SNTB1: variants seen among roughly 807,000 people sequenced by gnomAD.
SNTB1 encodes beta-1-syntrophin.
In SNTB1, 36 loss-of-function variants were observed where a neutral mutation model predicts 48.9. The observed-to-expected ratio is 0.74, with a 90% CI of 0.56 to 0.97. The LOEUF (loss-of-function observed/expected upper bound fraction) is 0.97. SNTB1 is among the 50% of genes least tolerant of loss of function. The pLI is 0.00. For synonymous variants in SNTB1, 299 were observed against 294.6 expected, an observed-to-expected ratio of 1.01 and a Z score of -0.15; for missense variants, 786 against 703.4, an observed-to-expected ratio of 1.12 and a Z score of -1.33.
intron 4 of SNTB1, among the ~76,000 whole-genome samples, chr8:120,558,649 A>C (rs897599619): frequency 2.6e-5 from 4 of 152,220 alleles, no homozygotes; most frequent in Non-Finnish European, 5.9e-5. Context: ...AAATTCAGAT[A>C]CCTGGATTCA....
At chr8:120,666,831 G>T (rs1476979768) in intron 2 of SNTB1, among the ~76,000 whole-genome samples, 4 of 151,788 alleles carry the variant, frequency 2.6e-5, no homozygotes, top group Non-Finnish European at 5.9e-5. Flanking sequence ...GGTATTTTTT[G>T]CTATGAATGC....
At chr8:120,575,684 T>G (rs1398285082) in intron 3 of SNTB1, among the ~76,000 whole-genome samples, 1 of 152,136 alleles carries the variant, frequency 6.6e-6, no homozygotes, top group Non-Finnish European at 1.5e-5. Flanking sequence ...GAGTGAGATA[T>G]CACAGCCTCT....
At chr8:120,602,087 G>A (rs182131186) in intron 3 of SNTB1, among the ~76,000 whole-genome samples, 59 of 152,172 alleles carry the variant, frequency 3.9e-4, no homozygotes, top group African/African-American at 1.4e-3. Flanking sequence ...CAGCCTTTTT[G>A]TTTGTTTTGT....
At chr8:120,694,437 T>A (rs1818178900) in intron 1 of SNTB1, among the ~76,000 whole-genome samples, 1 of 151,828 alleles carries the variant, frequency 6.6e-6, no homozygotes, top group Non-Finnish European at 1.5e-5. Flanking sequence ...GCAAAAAAAA[T>A]TATTTGTAAG....
intron 1 of SNTB1, among the ~76,000 whole-genome samples, chr8:120,727,179 G>T (rs973473397): frequency 6.6e-6 from 1 of 152,192 alleles, no homozygotes; most frequent in East Asian, 1.9e-4. Context: ...GGGGTCAAAG[G>T]CTGCCTTGTC....
intron 1 of SNTB1, among the ~76,000 whole-genome samples, chr8:120,740,735 AAC>A (rs56929750): frequency 0.13 from 19,920 of 152,036 alleles, 1,699 homozygotes; most frequent in African/African-American, 0.23. Flanking sequence ...GGCACATCCA[AAC>A]ACAGTTATTT....
chr8:120,761,419 A>G (rs964850266), intron 1 of SNTB1: 2 of 152,248 alleles, frequency 1.3e-5, no homozygotes, highest in African/African-American at 4.8e-5. Context: ...CTATGTTAGC[A>G]GCTCCGAGCA....
intron 1 of SNTB1, among the ~76,000 whole-genome samples, chr8:120,753,787 A>G (rs1663720171): frequency 6.6e-6 from 1 of 152,198 alleles, no homozygotes; most frequent in South Asian, 2.1e-4. Context: ...CAAGCCACAC[A>G]TTTAACATTT....
At chr8:120,685,046 T>C (rs1401311801) in intron 2 of SNTB1, among the ~76,000 whole-genome samples, 3 of 152,232 alleles carry the variant, frequency 2.0e-5, no homozygotes, top group Admixed American at 2.0e-4. Context: ...CTCCCCAGGC[T>C]CCAGGTAGCC....
intron 5 of SNTB1, among the ~76,000 whole-genome samples, chr8:120,547,075 C>CT (rs1344367907): frequency 1.3e-5 from 2 of 151,844 alleles, no homozygotes; most frequent in South Asian, 4.2e-4. Flanking sequence ...GTTATTTGAC[C>CT]TTTTTTGAGA....
At chr8:120,539,642 T>C (rs1207628498) in intron 6 of SNTB1, among the ~76,000 whole-genome samples, 1 of 152,206 alleles carries the variant, frequency 6.6e-6, no homozygotes, top group African/African-American at 2.4e-5. Flanking sequence ...AGGAGAGTCC[T>C]TCAGAAGTTG....
chr8:120,802,254 G>A (rs59751654), intron 1 of SNTB1, among the ~76,000 whole-genome samples: 12,540 of 151,960 alleles, frequency 0.083, 1,021 homozygotes, highest in East Asian at 0.36. Flanking sequence ...GACTTTTTTC[G>A]GTTAATAATA....
At position 120,803,343 on chromosome 8, in the gene SNTB1, T is replaced by A. The variant is rs950980714; in HGVS notation, c.571+7930A>T. On this transcript the variant is annotated intron_variant, in intron 1 of 6. Transcript: ENST00000517992. The stretch of plus-strand genomic sequence containing the variant: ...TAGGGCATTGATTTTGTGGTGGGTA[T>A]TATATATTTTTGTCTTAAGTCTTAA... Among the ~76,000 whole-genome samples, 330 of 152,278 alleles carry A rather than the reference T, an allele frequency of 2.2e-3. 1 individual carries two copies. Among genetic ancestry groups the A allele is most frequent in the African/African-American group, 7.6e-3 (316 of 41,568 alleles).
rs182307585 is a variant in SNTB1, at chr8:120,608,899, T to C, written c.996+23545A>G. ...AAACCAACTTGTGTGTGAACCTAAGTGAGTATTAAATGGATTTTTAAAAAA... is the reference window on the plus strand; with the variant it reads ...AAACCAACTTGTGTGTGAACCTAAGCGAGTATTAAATGGATTTTTAAAAAA... On this transcript the variant is annotated intron_variant, in intron 3 of 6. Coordinates refer to ENST00000517992, the MANE Select transcript of SNTB1 (RefSeq NM_021021.4). Among the ~76,000 whole-genome samples, 122 of 152,228 alleles carry C rather than the reference T, an allele frequency of 8.0e-4. 1 individual carries two copies. The highest frequency in any genetic ancestry group is 2.6e-3 in the African/African-American group (110 of 41,542).
intron 3 of SNTB1, among the ~76,000 whole-genome samples, chr8:120,613,592 C>T (rs1816662076): frequency 6.6e-6 from 1 of 152,146 alleles, no homozygotes; most frequent in South Asian, 2.1e-4. Flanking sequence ...TCATGTACTA[C>T]AATAATGTAC....
At chr8:120,577,284 G>A (rs1478514432) in intron 3 of SNTB1, among the ~76,000 whole-genome samples, 2 of 152,180 alleles carry the variant, frequency 1.3e-5, no homozygotes, top group Non-Finnish European at 2.9e-5. Flanking sequence ...AGCTATTTAT[G>A]CTGGAACATG....
intron 1 of SNTB1, among the ~76,000 whole-genome samples, chr8:120,706,069 T>A (rs889336717): frequency 6.7e-6 from 1 of 150,208 alleles, no homozygotes; most frequent in African/African-American, 2.5e-5. Flanking sequence ...AAGGATTAAA[T>A]AATTTCAAAA....
At chr8:120,587,105 C>T (rs888721217) in intron 3 of SNTB1, among the ~76,000 whole-genome samples, 2 of 152,164 alleles carry the variant, frequency 1.3e-5, no homozygotes, top group African/African-American at 4.8e-5. Context: ...CCTGTAATTT[C>T]AGCTACTTGG....
At chr8:120,726,055 T>C (rs569481454) in intron 1 of SNTB1, among the ~76,000 whole-genome samples, 1 of 152,278 alleles carries the variant, frequency 6.6e-6, no homozygotes, top group South Asian at 2.1e-4. Context: ...AACGACTGCC[T>C]CTCTCCCTTC....
Sources: gnomAD v4.1 joint callset for allele counts (sites outside exome capture counted in the v4.1 genomes callset) on GRCh38, gnomAD v4.1.1 for gene constraint, MANE v1.5 for transcripts, NCBI Gene and HGNC (gene_info 2026-07-23, HGNC 2026-07-21) for gene names.